The following KIAA1549L variants were observed in gnomAD, a reference collection of about 807,000 sequenced individuals.
KIAA1549L encodes UPF0606 protein KIAA1549L.
In KIAA1549L, 88 loss-of-function variants were observed where a neutral mutation model predicts 160.7. The ratio of observed to expected loss-of-function variants is 0.55; its 90% CI spans 0.46 to 0.65. The LOEUF (loss-of-function observed/expected upper bound fraction) is 0.65, where lower values mean the gene tolerates loss of function less well. Among genes scored for constraint, KIAA1549L ranks in the 30% least tolerant of loss-of-function variants. The probability of loss-of-function intolerance (pLI) is 0.00; values close to 1 mark genes in which losing one functional copy is unlikely to be tolerated. For synonymous variants in KIAA1549L, 950 were observed against 976.7 expected, an observed-to-expected ratio of 0.97 and a Z score of 0.51; for missense variants, 2,258 against 2,437.5, an observed-to-expected ratio of 0.93 and a Z score of 1.55.
intron 16 of KIAA1549L, among the ~76,000 whole-genome samples, chr11:33,620,717 C>T (rs1273575156): frequency 6.6e-6 from 1 of 152,176 alleles, no homozygotes; most frequent in East Asian, 1.9e-4. Context: ...TCCTTCCTCA[C>T]TATACATCTA....
chr11:33,577,624 A>G (rs886766667), intron 10 of KIAA1549L, among the ~76,000 whole-genome samples: 12 of 152,174 alleles, frequency 7.9e-5, no homozygotes, highest in Non-Finnish European at 1.6e-4. Context: ...TCTCTTGGGT[A>G]TAATGAAATG....
intron 1 of KIAA1549L, among the ~76,000 whole-genome samples, chr11:33,386,133 G>A (rs1019023016): frequency 9.9e-5 from 15 of 152,218 alleles, no homozygotes; most frequent in Admixed American, 2.0e-4. Flanking sequence ...GAAATAGGGA[G>A]AGTGGACATC....
At chr11:33,614,531 G>GATATATATATAT (rs780446812) in intron 15 of KIAA1549L, among the ~76,000 whole-genome samples, 1 of 27,104 alleles carries the variant, frequency 3.7e-5, no homozygotes, top group Non-Finnish European at 6.6e-5. Context: ...AGTGTAACAA[G>GATATATATATAT]ATATATATAT....
chr11:33,604,257 G>T (rs1366718322), intron 13 of KIAA1549L, among the ~76,000 whole-genome samples: 1 of 152,204 alleles, frequency 6.6e-6, no homozygotes, highest in Non-Finnish European at 1.5e-5. Context: ...TCATAGTCAA[G>T]ATGTTGGCCT....
In KIAA1549L at chr11:33,552,032, T is replaced by A. The variant is rs2133200009; in HGVS notation, c.3722-76T>A. 11 of 1,533,790 alleles carry A rather than the reference T, an allele frequency of 7.2e-6. No homozygotes were observed. In the South Asian group the frequency reaches 9.7e-5, roughly 14 times the overall value. On this transcript the variant is annotated intron_variant, in intron 5 of 20. Transcript: ENST00000658780. ...TCTCATCTAAAATCGTGCTGTTTTA[T>A]ATTATGACCACTGTTAAATCCAAGG...
At chr11:33,496,084 C>G (rs2133077204) in intron 1 of KIAA1549L, among the ~76,000 whole-genome samples, 1 of 152,300 alleles carries the variant, frequency 6.6e-6, no homozygotes. Flanking sequence ...CTGCCTCAGC[C>G]TCCCGAGTAG....
chr11:33,397,741 C>T (rs1850412362), intron 1 of KIAA1549L, among the ~76,000 whole-genome samples: 1 of 132,682 alleles, frequency 7.5e-6, no homozygotes, highest in South Asian at 2.1e-4. Flanking sequence ...CACACACACA[C>T]ACACACACAC....
Position 33,542,282 on chromosome 11 carries a change from C to A in KIAA1549L, c.719C>A (p.Pro240His). The A allele has an allele frequency of 1.5e-6, 1 of 647,662 alleles. No homozygotes were observed. Among genetic ancestry groups the A allele is most frequent in the South Asian group, 1.8e-5 (1 of 56,762 alleles). 40.1% of individuals were successfully genotyped at this position (647,662 alleles called of 1,614,324 possible). A position where few individuals can be genotyped will look rare whatever the true frequency, so the allele number is the denominator to read the frequency against. The change falls in exon 2 of 21, where the codon CCC becomes CAC. Residue 240 changes from proline to histidine, a missense_variant. Coordinates refer to ENST00000658780, the MANE Select transcript of KIAA1549L (RefSeq NM_012194.3). Reference sequence around the variant, plus strand: ...AAGCATCCCCCAAGGTCAGACATTCCCCCACTCCTCCCTCTACCTCCATCC... The same window carrying A: ...AAGCATCCCCCAAGGTCAGACATTCACCCACTCCTCCCTCTACCTCCATCC... ...ISKHPPRSDI[P>H]PLLPLPPSSS...
At chr11:33,592,551 A>G (rs1054775485) in intron 12 of KIAA1549L, among the ~76,000 whole-genome samples, 1 of 142,240 alleles carries the variant, frequency 7.0e-6, no homozygotes, top group Non-Finnish European at 1.6e-5. Context: ...CCCTCCTTTT[A>G]TCTAACATGT....
chr11:33,534,432 G>A (rs1203213326), intron 1 of KIAA1549L, among the ~76,000 whole-genome samples: 1 of 151,974 alleles, frequency 6.6e-6, no homozygotes, highest in Non-Finnish European at 1.5e-5. Flanking sequence ...CCGTATTTGT[G>A]AGCAAACAGT....
At chr11:33,436,993 A>G (rs1851394248) in intron 1 of KIAA1549L, among the ~76,000 whole-genome samples, 1 of 152,218 alleles carries the variant, frequency 6.6e-6, no homozygotes, top group African/African-American at 2.4e-5. Context: ...TTGTGAAAGG[A>G]AAAAGGTTAA....
At chr11:33,652,850 A>G (rs1473108420) in intron 17 of KIAA1549L, among the ~76,000 whole-genome samples, 1 of 152,168 alleles carries the variant, frequency 6.6e-6, no homozygotes, top group Non-Finnish European at 1.5e-5. Context: ...TGAAGGGCCA[A>G]ATTCACCAGG....
chr11:33,478,206 G>A (rs1050274603), intron 1 of KIAA1549L, among the ~76,000 whole-genome samples: 3 of 152,214 alleles, frequency 2.0e-5, no homozygotes, highest in Admixed American at 6.5e-5. Context: ...ACATGGTATC[G>A]ATTGCACCAC....
In KIAA1549L at chr11:33,587,066, A is replaced by G. The variant is rs1849903564; in HGVS notation, c.4566+3565A>G. 2.0e-5 allele frequency among the ~76,000 whole-genome samples: 3 copies of G among 152,330 alleles called. No individual in the cohort carries two copies. In the South Asian group the frequency reaches 6.2e-4, roughly 32 times the overall value. Reference sequence around the variant, plus strand: ...CTCAATTTTTCCATCTGTAAAATGGAGATATAACAATAATCGTATAGAGTG... The same window carrying G: ...CTCAATTTTTCCATCTGTAAAATGGGGATATAACAATAATCGTATAGAGTG... On this transcript the variant is annotated intron_variant, in intron 11 of 20. Coordinates refer to ENST00000658780, the MANE Select transcript of KIAA1549L (RefSeq NM_012194.3).
At chr11:33,415,350 T>A (rs1850867317) in intron 1 of KIAA1549L, among the ~76,000 whole-genome samples, 1 of 152,198 alleles carries the variant, frequency 6.6e-6, no homozygotes, top group African/African-American at 2.4e-5. Context: ...GTCCTTAATA[T>A]TCCATCCCAT....
intron 8 of KIAA1549L, among the ~76,000 whole-genome samples, chr11:33,564,196 C>G (rs10836073): frequency 0.3 from 45,018 of 151,976 alleles, 6,881 homozygotes; most frequent in Middle Eastern, 0.46. Context: ...ACCTTCTGAA[C>G]CCCTGGGTAG....
At chr11:33,568,366 T>A in intron 9 of KIAA1549L, 139 bp downstream of exon 9, 1 of 771,366 alleles carries the variant, frequency 1.3e-6, no homozygotes, top group Non-Finnish European at 1.9e-6. Context: ...TCAAGGCTGC[T>A]CTTAGGTTTT....
intron 13 of KIAA1549L, among the ~76,000 whole-genome samples, chr11:33,601,802 A>G (rs1365591613): frequency 6.6e-6 from 1 of 152,238 alleles, no homozygotes; most frequent in Non-Finnish European, 1.5e-5. Context: ...AGGAAAAGAC[A>G]CTATTCTGCT....
rs796358018 is a variant in KIAA1549L at position 33,552,347 on chromosome 11, G to A, written c.3855+106G>A. ...CCTTTCAGAGCTACCATGTATAAATGTAACTTTGTACTTCAGACATTGGTG... is the reference window on the plus strand; with the variant it reads ...CCTTTCAGAGCTACCATGTATAAATATAACTTTGTACTTCAGACATTGGTG... On this transcript the variant is annotated intron_variant, in intron 6 of 20. Transcript: ENST00000658780. The A allele has an allele frequency of 8.2e-5, 102 of 1,246,416 alleles. No homozygotes were observed. The South Asian group carries it at 1.4e-3, about 17-fold the overall frequency. 77.2% of individuals were successfully genotyped at this position (1,246,416 alleles called of 1,614,324 possible).
Sources: allele counts gnomAD v4.1 joint callset (sites outside exome capture counted in the v4.1 genomes callset), GRCh38; gene constraint gnomAD v4.1.1; transcripts MANE v1.5; gene names NCBI Gene and HGNC (gene_info 2026-07-23, HGNC 2026-07-21).